The following RPRD1A variants were observed in gnomAD, a reference collection of about 807,000 sequenced individuals.
The protein encoded by RPRD1A is regulation of nuclear pre-mRNA domain containing 1A.
Under a neutral mutation model 37.8 loss-of-function variants are expected in RPRD1A, and 9 were observed. That is an observed-to-expected ratio of 0.24 (90% CI 0.14 to 0.42). The LOEUF (loss-of-function observed/expected upper bound fraction) is 0.42. Among genes scored for constraint, RPRD1A ranks in the 10% least tolerant of loss-of-function variants. The pLI, the probability that RPRD1A is intolerant of heterozygous loss-of-function variation, is 1.00. For synonymous variants in RPRD1A, 138 were observed against 139.7 expected (o/e 0.99, Z 0.08); for missense variants, 255 against 371.0 (o/e 0.69, Z 2.57).
chr18:36,008,575 G>GTATATATATATATA lies in RPRD1A; in HGVS notation c.790-15276_790-15275insTATATATATATATA, dbSNP rs201194752. Among the ~76,000 whole-genome samples the GTATATATATATATA allele has an allele frequency of 8.3e-4, 35 of 42,372 alleles. 2 individuals are homozygous for GTATATATATATATA. The highest frequency in any genetic ancestry group is 2.9e-3 in the African/African-American group (34 of 11,584). 27.8% of individuals were successfully genotyped at this position (42,372 alleles called of 152,430 possible). A position where few individuals can be genotyped will look rare whatever the true frequency, so the allele number is the denominator to read the frequency against. ...TGGGCGACACAGCAAGACCTTGTGT[G>GTATATATATATATA]TGTATATATATATATCTTTAAAAAT... On this transcript the variant is annotated intron_variant, in intron 6 of 6. Coordinates refer to ENST00000399022, the MANE Select transcript of RPRD1A (RefSeq NM_018170.5).
rs777407141 is a variant in RPRD1A, at chr18:36,027,215, G to A, written c.582C>T (p.Val194=). The part of the protein sequence containing the change: ...HQRIASLPVE[V]QEVSLLDKIT... ...TTTTATCTAATAGAGATACTTCTTG[G>A]ACTTCAACAGGTAAAGAAGCTATCC... is the stretch of plus-strand genomic sequence containing the variant. The change falls in exon 5 of 7, where the codon GTC becomes GTT. Residue 194 remains valine (V), a synonymous_variant. Transcript: ENST00000399022. 1 of 1,613,496 alleles carries A rather than the reference G, an allele frequency of 6.2e-7. No individual in the cohort carries two copies. The highest frequency in any genetic ancestry group is 8.5e-7 in the Non-Finnish European group (1 of 1,179,606).
At chr18:36,035,747 AT>A (rs1912143414) in intron 1 of RPRD1A, among the ~76,000 whole-genome samples, 1 of 152,246 alleles carries the variant, frequency 6.6e-6, no homozygotes, top group African/African-American at 2.4e-5. Context: ...TCAATAAAGT[AT>A]TATTCAGCCT....
At chr18:36,025,496 G>T in intron 6 of RPRD1A, 1 of 505,580 alleles carries the variant, frequency 2.0e-6, no homozygotes, top group South Asian at 2.1e-5. Context: ...TTCTGTTTTT[G>T]TAAACAGTGA....
chr18:36,031,310 A>ATTAT, intron 2 of RPRD1A, among the ~76,000 whole-genome samples: 1 of 152,150 alleles, frequency 6.6e-6, no homozygotes, highest in East Asian at 1.9e-4. Flanking sequence ...TTATAAACAT[A>ATTAT]TTATTACACA....
At chr18:36,023,906 T>C (rs1371257037) in intron 6 of RPRD1A, among the ~76,000 whole-genome samples, 4 of 152,346 alleles carry the variant, frequency 2.6e-5, no homozygotes, top group East Asian at 1.9e-4. Context: ...TTGTAATACT[T>C]AGACAACAGT....
chr18:35,997,040 G>T (rs1292484026), intron 6 of RPRD1A, among the ~76,000 whole-genome samples: 1 of 149,536 alleles, frequency 6.7e-6, no homozygotes, highest in African/African-American at 2.5e-5. Context: ...ATAATATATG[G>T]CCACTACAGC....
chr18:36,015,197 CACACACAT>C (rs1264513165), intron 6 of RPRD1A, among the ~76,000 whole-genome samples: 4 of 148,552 alleles, frequency 2.7e-5, no homozygotes, highest in African/African-American at 7.6e-5. Context: ...CACACACACA[CACACACAT>C]TCACATACTT....
Position 35,991,161 on chromosome 18 carries a change from G to A in RPRD1A, c.*1990C>T, listed in dbSNP as rs1038120100. ...ATAGTTTATAAATTAGTTTTAAATG[G>A]AAAAAAATATATATTTTGAATGGAT... On this transcript the variant is annotated 3_prime_UTR_variant, in exon 7 of 7. Coordinates refer to ENST00000399022, the MANE Select transcript of RPRD1A (RefSeq NM_018170.5). The A allele has an allele frequency of 3.9e-5, 6 of 151,926 alleles. No homozygotes were observed. The highest frequency in any genetic ancestry group is 5.9e-5 in the Non-Finnish European group (4 of 67,970). 9.4% of individuals were successfully genotyped at this position (151,926 alleles called of 1,614,324 possible). A position where few individuals can be genotyped will look rare whatever the true frequency, so the allele number is the denominator to read the frequency against.
At chr18:36,016,000 T>C (rs939086167) in intron 6 of RPRD1A, among the ~76,000 whole-genome samples, 2 of 152,236 alleles carry the variant, frequency 1.3e-5, no homozygotes, top group East Asian at 1.9e-4. Context: ...AATAAAACTA[T>C]ACCATCCCTG....
At chr18:36,031,164 G>T in intron 2 of RPRD1A, 67 bp from the exon 3 acceptor site, 1 of 1,428,460 alleles carries the variant, frequency 7.0e-7, no homozygotes, top group South Asian at 1.6e-5. Context: ...TATTGAAAAG[G>T]TTAACGGTAA....
At chr18:36,018,394 C>A (rs937544806) in intron 6 of RPRD1A, among the ~76,000 whole-genome samples, 3 of 152,074 alleles carry the variant, frequency 2.0e-5, no homozygotes, top group Admixed American at 6.5e-5. Context: ...CTGCCTCACA[C>A]TCCCGAGTGG....
intron 6 of RPRD1A, chr18:36,025,426 A>G (rs1039062854): frequency 1.8e-5 from 6 of 326,804 alleles, no homozygotes; most frequent in African/African-American, 1.1e-4. Flanking sequence ...CACTGGGGGA[A>G]AAGGGGGTTG....
intron 6 of RPRD1A, among the ~76,000 whole-genome samples, chr18:36,005,217 C>T (rs1478005712): frequency 2.0e-5 from 3 of 152,106 alleles, no homozygotes; most frequent in Non-Finnish European, 4.4e-5. Context: ...AGGAGAATGG[C>T]GTGAGCCCGG....
chr18:36,040,597 A>T (rs1912511494), intron 1 of RPRD1A, among the ~76,000 whole-genome samples: 1 of 152,164 alleles, frequency 6.6e-6, no homozygotes, highest in Non-Finnish European at 1.5e-5. Flanking sequence ...TACGTCATGA[A>T]ATCTAGAAGT....
chr18:36,011,138 A>G (rs1237170896), intron 6 of RPRD1A, among the ~76,000 whole-genome samples: 4 of 152,200 alleles, frequency 2.6e-5, no homozygotes, highest in African/African-American at 7.2e-5. Flanking sequence ...TATTTACTGT[A>G]TGTGTGGCAG....
chr18:36,039,027 T>C lies in RPRD1A; in HGVS notation c.152-5190A>G, dbSNP rs1164781123. The stretch of plus-strand genomic sequence containing the variant: ...CTCAGGTGAGACTTTGGGCTTGGAC[T>C]TTTGAGTTAATGCTAGAATGAGTTA... On this transcript the variant is annotated intron_variant, in intron 1 of 6. Coordinates refer to ENST00000399022, the MANE Select transcript of RPRD1A (RefSeq NM_018170.5). 3.3e-5 allele frequency among the ~76,000 whole-genome samples: 5 copies of C among 152,226 alleles called. No homozygotes were observed. In the South Asian group the frequency reaches 6.2e-4, roughly 19 times the overall value.
At chr18:36,016,372 G>T (rs1295615440) in intron 6 of RPRD1A, among the ~76,000 whole-genome samples, 1 of 152,108 alleles carries the variant, frequency 6.6e-6, no homozygotes, top group Non-Finnish European at 1.5e-5. Context: ...ACAGTTGCCT[G>T]CCACTACACC....
intron 6 of RPRD1A, among the ~76,000 whole-genome samples, chr18:36,015,213 C>G (rs1910462676): frequency 7.6e-6 from 1 of 131,322 alleles, no homozygotes; most frequent in Non-Finnish European, 1.6e-5. Context: ...CATTCACATA[C>G]TTTTTTTTTT....
chr18:36,019,353 C>T (rs1910833191), intron 6 of RPRD1A, among the ~76,000 whole-genome samples: 2 of 151,980 alleles, frequency 1.3e-5, no homozygotes, highest in South Asian at 4.1e-4. Context: ...GTCATCCACC[C>T]GCCTCAGCCT....
Sources: allele counts gnomAD v4.1 joint callset (sites outside exome capture counted in the v4.1 genomes callset), GRCh38; gene constraint gnomAD v4.1.1; transcripts MANE v1.5; gene names NCBI Gene and HGNC (gene_info 2026-07-23, HGNC 2026-07-21).